Variants in COL22A1 observed in about 807,000 individuals in gnomAD.
COL22A1 encodes the protein collagen alpha-1(XXII) chain.
In COL22A1, 221 loss-of-function variants were observed where a neutral mutation model predicts 248.9. The ratio of observed to expected loss-of-function variants is 0.89; its 90% confidence interval spans 0.80 to 0.99. The LOEUF is 0.99. Among genes scored for constraint, COL22A1 ranks in the 50% least tolerant of loss-of-function variants. COL22A1 has a pLI of 0.00. For synonymous variants in COL22A1, 891 were observed against 793.4 expected (o/e 1.12, Z -2.07); for missense variants, 2,240 against 2,179.0 (o/e 1.03, Z -0.56).
intron 44 of COL22A1, 129 bp from the exon 45 acceptor site, chr8:138,656,073 C>A: frequency 1.4e-6 from 1 of 738,312 alleles, no homozygotes; most frequent in Non-Finnish European, 2.3e-6. Context: ...GCGTGGGATA[C>A]GGACAGCCCA....
intron 54 of COL22A1, among the ~76,000 whole-genome samples, chr8:138,616,633 G>T (rs919264098): frequency 6.6e-6 from 1 of 152,134 alleles, no homozygotes; most frequent in Non-Finnish European, 1.5e-5. Flanking sequence ...ACCTCACAAG[G>T]CTCAGGGCTG....
intron 41 of COL22A1, among the ~76,000 whole-genome samples, chr8:138,665,769 A>G (rs1377773144): frequency 6.6e-6 from 1 of 152,198 alleles, no homozygotes; most frequent in Admixed American, 6.5e-5. Flanking sequence ...TACAGGCAAC[A>G]AAAAAGGTCT....
rs550394860 is a variant in COL22A1 at position 138,637,157 on chromosome 8, G to A, written c.3502-362C>T. Among the ~76,000 whole-genome samples the A allele has an allele frequency of 3.9e-5, 6 of 152,286 alleles. No individual in the cohort carries two copies. In the South Asian group the frequency reaches 1.2e-3, roughly 32 times the overall value. Reference sequence around the variant, plus strand: ...TGTGAAATTGTCCTAGGTTCTAGCTGTGGGTATAGTGTGGGATAGGCTAGT... The same window carrying A: ...TGTGAAATTGTCCTAGGTTCTAGCTATGGGTATAGTGTGGGATAGGCTAGT... On this transcript the variant is annotated intron_variant, in intron 47 of 64. Coordinates refer to ENST00000303045, the MANE Select transcript of COL22A1 (RefSeq NM_152888.3).
intron 4 of COL22A1, among the ~76,000 whole-genome samples, chr8:138,840,557 A>ACACGCGCG (rs1354847855): frequency 2.7e-5 from 4 of 150,668 alleles, no homozygotes; most frequent in African/African-American, 7.4e-5. Context: ...ACACACACAC[A>ACACGCGCG]CGCGCTCCTG....
intron 50 of COL22A1, among the ~76,000 whole-genome samples, chr8:138,627,809 G>A (rs533780482): frequency 6.6e-6 from 1 of 152,224 alleles, no homozygotes; most frequent in African/African-American, 2.4e-5. Context: ...TTGTTCCTAA[G>A]CCTGTTTGCA....
chr8:138,880,636 C>T lies in COL22A1; in HGVS notation c.92-2320G>A, dbSNP rs555162915. Among the ~76,000 whole-genome samples, 5 of 152,352 alleles carry T rather than the reference C, an allele frequency of 3.3e-5. No individual in the cohort carries two copies. The South Asian group carries it at 8.3e-4, about 25-fold the overall frequency. On this transcript the variant is annotated intron_variant, in intron 2 of 64. Transcript: ENST00000303045. ...TCCAAGGGACAATCTGCATGTCAGGCACTGAGTTACATCCCAGCCTTAGCA... is the reference window on the plus strand; with the variant it reads ...TCCAAGGGACAATCTGCATGTCAGGTACTGAGTTACATCCCAGCCTTAGCA...
intron 59 of COL22A1, among the ~76,000 whole-genome samples, chr8:138,603,247 G>A (rs1214496110): frequency 4.6e-5 from 7 of 152,174 alleles, no homozygotes; most frequent in African/African-American, 1.4e-4. Flanking sequence ...ATGAGGTGGC[G>A]GTGGGCATGA....
Position 138,726,131 on chromosome 8 carries a change from G to A in COL22A1, c.2140-691C>T, listed in dbSNP as rs552642245. ...GTTAGCAAACAGAAACGTAAGACCC[G>A]TTTCCAAGCTCCTGTCTTGGTTGAG... On this transcript the variant is annotated intron_variant, in intron 23 of 64. Transcript: ENST00000303045. Among the ~76,000 whole-genome samples the A allele has an allele frequency of 7.1e-4, 108 of 151,700 alleles. 1 individual carries two copies. The highest frequency in any genetic ancestry group is 6.8e-3 in the Admixed American group (103 of 15,252).
intron 23 of COL22A1, 28 bp downstream of exon 23, chr8:138,737,496 T>C: frequency 6.5e-7 from 1 of 1,536,544 alleles, no homozygotes; most frequent in Non-Finnish European, 9.0e-7. Flanking sequence ...GCAGCGTTGC[T>C]ATGGAAGAGA....
chr8:138,821,331 G>C lies in COL22A1; in HGVS notation c.1050C>G (p.Val350=). 6.2e-7 allele frequency: 1 copy of C among 1,614,176 alleles called. No homozygotes were observed. The highest frequency in any genetic ancestry group is 8.5e-7 in the Non-Finnish European group (1 of 1,180,034). ...VGAMKDAVRV[V]FRGSRVNDLF... ...GGTCATTGACCCGAGAACCTCGGAA[G>C]ACCACCCTGACAGCATCTTTCATGG... is the stretch of plus-strand genomic sequence containing the variant. The change falls in exon 7 of 65, where the codon GTC becomes GTG. Residue 350 remains valine (V), a synonymous_variant. Coordinates refer to ENST00000303045, the MANE Select transcript of COL22A1 (RefSeq NM_152888.3).
intron 45 of COL22A1, among the ~76,000 whole-genome samples, chr8:138,652,740 T>TTTTTTTTTC (rs1299870923): frequency 1.3e-5 from 1 of 79,522 alleles, no homozygotes; most frequent in Non-Finnish European, 2.6e-5. Flanking sequence ...TTCTGGTTTT[T>TTTTTTTTTC]TTTTTTTTTT....
intron 1 of COL22A1, among the ~76,000 whole-genome samples, chr8:138,909,977 C>G (rs991845053): frequency 6.6e-6 from 1 of 152,192 alleles, no homozygotes; most frequent in Non-Finnish European, 1.5e-5. Context: ...AATCTTGTCA[C>G]AAACAAAAAT....
intron 53 of COL22A1, among the ~76,000 whole-genome samples, chr8:138,618,567 CAT>C (rs1819514426): frequency 6.6e-6 from 1 of 152,094 alleles, no homozygotes; most frequent in Non-Finnish European, 1.5e-5. Context: ...CTGGTGCAAT[CAT>C]GTGAAAAACA....
Position 138,833,047 on chromosome 8 carries a change from T to G in COL22A1, c.837A>C (p.Gln279His). The G allele has an allele frequency of 1.9e-6, 3 of 1,608,966 alleles. No individual in the cohort carries two copies. Among genetic ancestry groups the G allele is most frequent in the Non-Finnish European group, 2.6e-6 (3 of 1,175,328 alleles). Reference protein sequence around the residue: ...YVRMGSFPVVQSTEDVFPQGL... With the variant: ...YVRMGSFPVVHSTEDVFPQGL... ...GAGAAGTGGCCACTCACTCAGTACTTTGCACCACAGGGAAGGATCCCATCC... is the reference window on the plus strand; with the variant it reads ...GAGAAGTGGCCACTCACTCAGTACTGTGCACCACAGGGAAGGATCCCATCC... Residue 279 changes from glutamine (Q) to histidine (H), a missense_variant, in exon 5 of 65, where the codon CAA (glutamine) becomes CAC (histidine). By Grantham distance (24) the Gln-to-His change is conservative (BLOSUM62 0). Coordinates refer to ENST00000303045, the MANE Select transcript of COL22A1 (RefSeq NM_152888.3).
At chr8:138,676,743 G>A in intron 40 of COL22A1, 108 bp from the exon 41 acceptor site, 1 of 807,622 alleles carries the variant, frequency 1.2e-6, no homozygotes, top group East Asian at 2.9e-5. Context: ...GGCTTCTCCT[G>A]CCACCTGGCC....
intron 23 of COL22A1, among the ~76,000 whole-genome samples, chr8:138,735,022 TG>T (rs1831002132): frequency 6.6e-6 from 1 of 150,958 alleles, no homozygotes; most frequent in Non-Finnish European, 1.5e-5. Context: ...GTCAGTGGGT[TG>T]GGGGAAAGGG....
chr8:138,874,154 T>C (rs1363264941), intron 3 of COL22A1, among the ~76,000 whole-genome samples: 3 of 152,248 alleles, frequency 2.0e-5, no homozygotes, highest in African/African-American at 4.8e-5. Flanking sequence ...TTCATTTCAT[T>C]TGTAGCCAGA....
intron 28 of COL22A1, 77 bp from the exon 29 acceptor site, chr8:138,716,366 G>T: frequency 1.0e-6 from 1 of 976,782 alleles, no homozygotes; most frequent in Non-Finnish European, 1.5e-6. Context: ...TGTGCTCTCA[G>T]TTCCTGCTCT....
chr8:138,892,227 A>T (rs1825118178), intron 1 of COL22A1, among the ~76,000 whole-genome samples: 1 of 152,250 alleles, frequency 6.6e-6, no homozygotes. Flanking sequence ...CTACCCAGAA[A>T]TAAATGGAGT....
Sources: gnomAD v4.1 joint callset for allele counts (sites outside exome capture counted in the v4.1 genomes callset) on GRCh38, gnomAD v4.1.1 for gene constraint, MANE v1.5 for transcripts, NCBI Gene and HGNC (gene_info 2026-07-23, HGNC 2026-07-21) for gene names.